The following ZNF765 variants were observed in gnomAD, a reference collection of about 807,000 sequenced individuals.
ZNF765 encodes the protein zinc finger protein 765.
Under a neutral mutation model 44.7 loss-of-function variants are expected in ZNF765, and 37 were observed. The observed-to-expected ratio is 0.83, with a 90% CI of 0.64 to 1.09. The LOEUF (loss-of-function observed/expected upper bound fraction) is 1.09. Ranked by LOEUF, ZNF765 falls within the 50% of genes least tolerant of loss-of-function variation. The pLI is 0.00. For synonymous variants in ZNF765, 201 were observed against 213.7 expected (o/e 0.94, Z 0.52); for missense variants, 594 against 626.1 (o/e 0.95, Z 0.55).
chr19:53,400,637 A>G (rs2085714977), intron 2 of ZNF765, among the ~76,000 whole-genome samples: 1 of 151,952 alleles, frequency 6.6e-6, no homozygotes, highest in South Asian at 2.1e-4. Flanking sequence ...ATATACATAC[A>G]TATACACATG....
At chr19:53,400,844 T>A (rs2085718883) in intron 2 of ZNF765, among the ~76,000 whole-genome samples, 1 of 150,472 alleles carries the variant, frequency 6.6e-6, no homozygotes, top group African/African-American at 2.4e-5. Flanking sequence ...ATATTTTCTT[T>A]TGTTTTGAGA....
At chr19:53,413,321 G>A (rs1048582191), downstream of ZNF765, 22 of 586,010 alleles carry the variant, frequency 3.8e-5, no homozygotes, top group African/African-American at 3.5e-4. Context: ...GGAGACATTG[G>A]AGAAGAATCA....
chr19:53,422,911 G>C (rs935511337), intron 3 of ZNF765, among the ~76,000 whole-genome samples: 8 of 152,240 alleles, frequency 5.3e-5, no homozygotes, highest in African/African-American at 1.7e-4. Flanking sequence ...ACTGGGTGCA[G>C]GTTAAGGTCC....
At chr19:53,399,017 C>G (rs1028799733) in intron 2 of ZNF765, among the ~76,000 whole-genome samples, 3 of 151,978 alleles carry the variant, frequency 2.0e-5, no homozygotes, top group Non-Finnish European at 4.4e-5. Context: ...TCCTGGAGTG[C>G]TGGGATTACA....
At chr19:53,406,482 T>C (rs1228146711) in intron 3 of ZNF765, among the ~76,000 whole-genome samples, 1 of 152,200 alleles carries the variant, frequency 6.6e-6, no homozygotes, top group East Asian at 1.9e-4. Flanking sequence ...GTTTAGAATT[T>C]TGCATGTTGT....
chr19:53,398,037 T>C lies in ZNF765; in HGVS notation c.15+7T>C. 6.2e-7 allele frequency: 1 copy of C among 1,613,458 alleles called. No homozygotes were observed. The highest frequency in any genetic ancestry group is 2.2e-5 in the East Asian group (1 of 44,808). On this transcript the variant is annotated splice_region_variant and intron_variant, in intron 2 of 3. Transcript: ENST00000396408. ...AGGGATGGCTCTTCCTCAGGTGAGA[T>C]GATATTCTTGGTGGATTGTTCTGTC...
At chr19:53,413,327 A>C, downstream of ZNF765, 1 of 585,486 alleles carries the variant, frequency 1.7e-6, no homozygotes, top group East Asian at 4.4e-5. Flanking sequence ...ATTGGAGAAG[A>C]ATCAAGCTGG....
Position 53,409,164 on chromosome 19 carries a change from T to C in ZNF765, c.*37T>C, listed in dbSNP as rs1568782256. The C allele has an allele frequency of 6.5e-7, 1 of 1,538,550 alleles. No individual in the cohort carries two copies. Among genetic ancestry groups the C allele is most frequent in the Non-Finnish European group, 9.0e-7 (1 of 1,112,128 alleles). On this transcript the variant is annotated 3_prime_UTR_variant, in exon 4 of 4. Transcript: ENST00000396408. ...AGACCTTCAATCAGGAGTTAACCCT[T>C]ACATGCCATCGTAGGCTTCATAGTG... is the stretch of plus-strand genomic sequence containing the variant.
rs149992982 is a variant in ZNF765, at chr19:53,408,681, G to C, written c.1126G>C (p.Val376Leu). 2.5e-6 allele frequency: 4 copies of C among 1,603,558 alleles called. No individual in the cohort carries two copies. The African/African-American group carries it at 4.2e-5, about 17-fold the overall frequency. The change falls in exon 4 of 4, where the codon GTT (valine) becomes CTT (leucine). Residue 376 changes from valine (V) to leucine (L), a missense_variant. Coordinates refer to ENST00000396408, the MANE Select transcript of ZNF765 (RefSeq NM_001040185.3). The stretch of plus-strand genomic sequence containing the variant: ...GTCACATTTTACATGCCATCATAGA[G>C]TTCATACTGGAGAGAAACCTTACAA... The part of the protein sequence containing the change: ...RKSHFTCHHR[V>L]HTGEKPYKCN...
chr19:53,397,458 C>T (rs1056635656), intron 1 of ZNF765, among the ~76,000 whole-genome samples: 4 of 152,140 alleles, frequency 2.6e-5, no homozygotes, highest in Admixed American at 6.5e-5. Context: ...AGGCTGGTCT[C>T]GAACTCCTGA....
exon 4 of ZNF765, chr19:53,426,780 A>G (rs2464899): frequency 0.32 from 47,784 of 150,226 alleles, 6,569 homozygotes; most frequent in East Asian, 0.49. Context: ...CCATCCCCCC[A>G]TCTGTGGAAA....
In ZNF765 at chr19:53,402,064, G is replaced by C. The variant is rs1199326454; in HGVS notation, c.16-1G>C. The C allele has an allele frequency of 1.2e-6, 2 of 1,613,596 alleles. No homozygotes were observed. Among genetic ancestry groups the C allele is most frequent in the Non-Finnish European group, 1.7e-6 (2 of 1,179,878 alleles). ...TTGGTTAAAATGTGTTTTCATTTCAGGGTCTATTGACATTCAGGGATGTGG... is the reference window on the plus strand; with the variant it reads ...TTGGTTAAAATGTGTTTTCATTTCACGGTCTATTGACATTCAGGGATGTGG... On this transcript the variant is annotated splice_acceptor_variant, in intron 2 of 3. Coordinates refer to ENST00000396408, the MANE Select transcript of ZNF765 (RefSeq NM_001040185.3). LOFTEE classifies it high-confidence loss of function.
chr19:53,416,830 T>C (rs2085877874), downstream of ZNF765, among the ~76,000 whole-genome samples: 1 of 151,942 alleles, frequency 6.6e-6, no homozygotes, highest in South Asian at 2.1e-4. Flanking sequence ...TCTTTTTTTT[T>C]TTTCTGAGAC....
chr19:53,397,838 G>C, intron 1 of ZNF765, 105 bp from the exon 2 acceptor site: 1 of 1,169,194 alleles, frequency 8.6e-7, no homozygotes, highest in Non-Finnish European at 1.2e-6. Context: ...GGCAGCATAG[G>C]GGACCGTATG....
At chr19:53,414,483 A>C (rs1239460434), downstream of ZNF765, among the ~76,000 whole-genome samples, 22 of 4,878 alleles carry the variant, frequency 4.5e-3, 1 homozygote, top group African/African-American at 0.013. Context: ...ACACACACAC[A>C]CACACACCCC....
At chr19:53,398,746 G>A (rs533634588) in intron 2 of ZNF765, among the ~76,000 whole-genome samples, 1 of 152,136 alleles carries the variant, frequency 6.6e-6, no homozygotes, top group East Asian at 1.9e-4. Context: ...ATTATATTAT[G>A]ATAATATTAT....
exon 4 of ZNF765, chr19:53,427,029 G>A (rs2085943911): frequency 7.2e-6 from 1 of 138,556 alleles, no homozygotes; most frequent in South Asian, 2.3e-4. Flanking sequence ...TCCTCTCTGG[G>A]TGTCAGGATC....
chr19:53,396,634 C>T (rs1245405277), intron 1 of ZNF765, among the ~76,000 whole-genome samples: 1 of 152,036 alleles, frequency 6.6e-6, no homozygotes, highest in African/African-American at 2.4e-5. Context: ...GGAGCTCATT[C>T]CTTTGGCTTC....
At position 53,411,948 on chromosome 19, in the gene ZNF765, A is replaced by G. The variant is rs1260304528; in HGVS notation, c.*2821A>G. On this transcript the variant is annotated 3_prime_UTR_variant, in exon 4 of 4. Transcript: ENST00000396408. ...GTAGTATTTTGGTTGACTCTTTGTG[A>G]TTTTCTGCACAGAAGATCATGTCGT... is the stretch of plus-strand genomic sequence containing the variant. 1 of 157,844 alleles carries G rather than the reference A, an allele frequency of 6.3e-6. No homozygotes were observed. The highest frequency in any genetic ancestry group is 1.4e-5 in the Non-Finnish European group (1 of 71,642). 9.8% of individuals were successfully genotyped at this position (157,844 alleles called of 1,614,324 possible). A position where few individuals can be genotyped will look rare whatever the true frequency, so the allele number is the denominator to read the frequency against.
Sources: allele counts gnomAD v4.1 joint callset (sites outside exome capture counted in the v4.1 genomes callset), GRCh38; gene constraint gnomAD v4.1.1; transcripts MANE v1.5; gene names NCBI Gene and HGNC (gene_info 2026-07-23, HGNC 2026-07-21).